MEGF11: variants seen among roughly 807,000 people sequenced by gnomAD.
The protein encoded by MEGF11 is multiple EGF like domains 11.
Under a neutral mutation model 146.6 loss-of-function variants are expected in MEGF11, and 126 were observed. That is an observed-to-expected ratio of 0.86 (90% CI 0.74 to 1.00). The LOEUF is 1.00. Ranked by LOEUF, MEGF11 falls within the 50% of genes least tolerant of loss-of-function variation. MEGF11 has a pLI of 0.00. For synonymous variants in MEGF11, 532 were observed against 583.4 expected (o/e 0.91, Z 1.27); for missense variants, 1,509 against 1,521.2 (o/e 0.99, Z 0.13).
chr15:66,127,733 C>T (rs910683586), intron 2 of MEGF11, among the ~76,000 whole-genome samples: 1 of 152,158 alleles, frequency 6.6e-6, no homozygotes, highest in Non-Finnish European at 1.5e-5. Flanking sequence ...CCGGCCCATT[C>T]CCCCAGGACC....
chr15:65,907,356 G>C (rs565150128), intron 23 of MEGF11, among the ~76,000 whole-genome samples: 1 of 151,802 alleles, frequency 6.6e-6, no homozygotes, highest in African/African-American at 2.4e-5. Context: ...GTGCAGTGGC[G>C]CAATCTCTGT....
At position 66,013,698 on chromosome 15, in the gene MEGF11, C is replaced by T. The variant is rs150338595; in HGVS notation, c.395-31210G>A. ...AAAGAAAAGAAGGACACCCAAGGGC[C>T]GTATAATAGTGGGGACTGTATAGGA... On this transcript the variant is annotated intron_variant, in intron 5 of 25. Transcript: ENST00000395614. 3.1e-3 allele frequency among the ~76,000 whole-genome samples: 479 copies of T among 152,164 alleles called. 1 individual carries two copies. The highest frequency in any genetic ancestry group is 0.011 in the African/African-American group (451 of 41,498).
chr15:65,990,375 A>C (rs2141751279), intron 5 of MEGF11, among the ~76,000 whole-genome samples: 1 of 152,152 alleles, frequency 6.6e-6, no homozygotes, highest in African/African-American at 2.4e-5. Flanking sequence ...ACGTGGCAAA[A>C]CCCCATCTCT....
At chr15:66,246,173 C>G (rs967974097) in intron 1 of MEGF11, among the ~76,000 whole-genome samples, 1 of 152,196 alleles carries the variant, frequency 6.6e-6, no homozygotes, top group Admixed American at 6.5e-5. Flanking sequence ...ACAAGAATTG[C>G]TTGAACCCGA....
intron 4 of MEGF11, among the ~76,000 whole-genome samples, chr15:66,094,914 T>C (rs2086476227): frequency 6.6e-6 from 1 of 152,134 alleles, no homozygotes; most frequent in African/African-American, 2.4e-5. Flanking sequence ...GGCCCCAAAA[T>C]GTATCAGCCT....
intron 24 of MEGF11, chr15:65,901,649 G>GAGTAAGGC (rs1371115259): frequency 3.3e-5 from 5 of 150,058 alleles, no homozygotes; most frequent in African/African-American, 1.2e-4. Context: ...ACCAGTCAAG[G>GAGTAAGGC]AGTAAGGCAG....
chr15:66,060,791 T>A (rs147122051), intron 5 of MEGF11, among the ~76,000 whole-genome samples: 2 of 152,310 alleles, frequency 1.3e-5, no homozygotes, highest in African/African-American at 4.8e-5. Flanking sequence ...TCTGTGCAGT[T>A]GAACTGATTG....
chr15:65,964,546 T>A (rs1339840282), intron 9 of MEGF11, among the ~76,000 whole-genome samples: 1 of 152,174 alleles, frequency 6.6e-6, no homozygotes, highest in Non-Finnish European at 1.5e-5. Flanking sequence ...GCTCAGAGCT[T>A]GTGGCACCCG....
chr15:66,121,685 A>C (rs2088031738), intron 3 of MEGF11, among the ~76,000 whole-genome samples: 1 of 152,220 alleles, frequency 6.6e-6, no homozygotes, highest in Non-Finnish European at 1.5e-5. Context: ...GGGAAACCTT[A>C]AAAGGTGAGA....
chr15:66,036,514 A>G (rs149581291), intron 5 of MEGF11, among the ~76,000 whole-genome samples: 20 of 152,236 alleles, frequency 1.3e-4, no homozygotes, highest in African/African-American at 3.4e-4. Context: ...GTTGCCTCCA[A>G]TGTTTTGCTA....
chr15:65,933,560 A>AACTGG (rs2079653870), intron 10 of MEGF11, among the ~76,000 whole-genome samples: 1 of 152,200 alleles, frequency 6.6e-6, no homozygotes, highest in Non-Finnish European at 1.5e-5. Flanking sequence ...CTCCCAGAGA[A>AACTGG]GCCTATGCCT....
chr15:65,931,017 C>A, intron 10 of MEGF11, 74 bp from the exon 11 acceptor site: 2 of 1,408,928 alleles, frequency 1.4e-6, no homozygotes, highest in Middle Eastern at 1.8e-4. Flanking sequence ...AGGATAATGA[C>A]CCCTGCTGCC....
At chr15:66,154,456 C>CG (rs1567265979) in intron 1 of MEGF11, among the ~76,000 whole-genome samples, 1 of 152,154 alleles carries the variant, frequency 6.6e-6, no homozygotes, top group Non-Finnish European at 1.5e-5. Context: ...AGGAAAAACC[C>CG]GGGGGCTCAA....
At chr15:66,099,204 C>CTTTTTT (rs10683767) in intron 4 of MEGF11, among the ~76,000 whole-genome samples, 5 of 105,876 alleles carry the variant, frequency 4.7e-5, no homozygotes, top group Non-Finnish European at 5.8e-5. Context: ...CCTCCTTTTT[C>CTTTTTT]TTTTTTTTTT....
intron 5 of MEGF11, among the ~76,000 whole-genome samples, chr15:66,008,303 C>A (rs1318448512): frequency 6.6e-6 from 1 of 152,090 alleles, no homozygotes; most frequent in Non-Finnish European, 1.5e-5. Context: ...CTTCCTTCAA[C>A]CCTTTTTCTA....
At chr15:66,054,911 G>C (rs1408721649) in intron 5 of MEGF11, among the ~76,000 whole-genome samples, 1 of 152,060 alleles carries the variant, frequency 6.6e-6, no homozygotes, top group Non-Finnish European at 1.5e-5. Flanking sequence ...AGGGAAGAAG[G>C]GAATAGTCCA....
chr15:65,918,612 G>C (rs911257194), intron 15 of MEGF11, among the ~76,000 whole-genome samples: 6 of 152,250 alleles, frequency 3.9e-5, no homozygotes, highest in African/African-American at 7.2e-5. Flanking sequence ...GTCCCTGCCT[G>C]CCTCTTTCCT....
intron 1 of MEGF11, among the ~76,000 whole-genome samples, chr15:66,166,392 C>T (rs1340227104): frequency 6.6e-6 from 1 of 152,132 alleles, no homozygotes; most frequent in Non-Finnish European, 1.5e-5. Context: ...GCATCTGTCA[C>T]CCCAGGAGCA....
chr15:66,165,792 G>T (rs570301032), intron 1 of MEGF11, among the ~76,000 whole-genome samples: 84 of 152,300 alleles, frequency 5.5e-4, no homozygotes, highest in African/African-American at 1.9e-3. Flanking sequence ...ACCAAAGGCA[G>T]GGTCTCCCTC....
Sources: allele counts gnomAD v4.1 joint callset (sites outside exome capture counted in the v4.1 genomes callset), GRCh38; gene constraint gnomAD v4.1.1; transcripts MANE v1.5; gene names NCBI Gene and HGNC (gene_info 2026-07-23, HGNC 2026-07-21).